PTPRM: variants seen among roughly 807,000 people sequenced by gnomAD.
PTPRM encodes receptor-type tyrosine-protein phosphatase mu.
A neutral mutation model predicts 186.7 loss-of-function variants in PTPRM; 47 were observed. The ratio of observed to expected loss-of-function variants is 0.25; its 90% CI spans 0.20 to 0.32. The LOEUF (loss-of-function observed/expected upper bound fraction) is 0.32. PTPRM is among the 10% of genes least tolerant of loss of function. The probability of loss-of-function intolerance (pLI) is 1.00; values close to 1 mark genes in which losing one functional copy is unlikely to be tolerated. For missense variants in PTPRM, 1,494 were observed against 1,865.0 expected (o/e 0.80, Z 3.66); for synonymous variants, 668 against 674.9 (o/e 0.99, Z 0.16).
At chr18:8,040,617 CAA>C (rs1369841705) in intron 7 of PTPRM, among the ~76,000 whole-genome samples, 5 of 152,112 alleles carry the variant, frequency 3.3e-5, no homozygotes, top group Non-Finnish European at 7.4e-5. Context: ...CTTTTAATCT[CAA>C]GTTTTTAAAT....
At chr18:8,290,346 G>A (rs1057262918) in intron 19 of PTPRM, among the ~76,000 whole-genome samples, 31 of 152,172 alleles carry the variant, frequency 2.0e-4, no homozygotes, top group Admixed American at 5.2e-4. Flanking sequence ...CATTATGTAC[G>A]GCCTTGACCT....
intron 1 of PTPRM, among the ~76,000 whole-genome samples, chr18:7,580,069 G>A (rs1008673089): frequency 1.3e-5 from 2 of 152,166 alleles, no homozygotes; most frequent in African/African-American, 4.8e-5. Flanking sequence ...TCTCTAACTA[G>A]CTGTCACCTC....
At chr18:8,400,042 G>A (rs980791612) in intron 32 of PTPRM, among the ~76,000 whole-genome samples, 9 of 152,146 alleles carry the variant, frequency 5.9e-5, no homozygotes, top group African/African-American at 1.2e-4. Flanking sequence ...CTCTTGCACC[G>A]GGAGAAAAAG....
intron 7 of PTPRM, among the ~76,000 whole-genome samples, chr18:8,011,201 T>A (rs529414352): frequency 9.9e-5 from 15 of 152,262 alleles, no homozygotes; most frequent in Admixed American, 1.3e-4. Flanking sequence ...CAAGGACAGA[T>A]AGAAGAGAGT....
At chr18:8,314,289 G>A (rs1158095827) in intron 20 of PTPRM, among the ~76,000 whole-genome samples, 1 of 152,106 alleles carries the variant, frequency 6.6e-6, no homozygotes, top group Non-Finnish European at 1.5e-5. Flanking sequence ...TGCTCTTGCT[G>A]GCTGATGCCC....
At chr18:8,319,496 G>C (rs7240753) in intron 22 of PTPRM, among the ~76,000 whole-genome samples, 5,007 of 152,280 alleles carry the variant, frequency 0.033, 199 homozygotes, top group African/African-American at 0.097. Flanking sequence ...TAGATGTATA[G>C]ATAGCCATTC....
intron 1 of PTPRM, among the ~76,000 whole-genome samples, chr18:7,584,975 C>T (rs939169038): frequency 2.6e-5 from 4 of 152,312 alleles, no homozygotes; most frequent in African/African-American, 9.6e-5. Flanking sequence ...GCAAGTCGAG[C>T]CCTCTATTTC....
chr18:7,977,562 A>T (rs531768873), intron 7 of PTPRM, among the ~76,000 whole-genome samples: 3 of 152,294 alleles, frequency 2.0e-5, no homozygotes, highest in South Asian at 4.1e-4. Flanking sequence ...GTCCAACATA[A>T]GAAAGATAAT....
intron 23 of PTPRM, among the ~76,000 whole-genome samples, chr18:8,363,410 G>A (rs1310405269): frequency 1.3e-5 from 2 of 152,184 alleles, no homozygotes; most frequent in African/African-American, 4.8e-5. Context: ...CACATGTGAA[G>A]ACTGACAATG....
At chr18:7,986,362 A>G (rs887112232) in intron 7 of PTPRM, among the ~76,000 whole-genome samples, 1 of 152,216 alleles carries the variant, frequency 6.6e-6, no homozygotes, top group Non-Finnish European at 1.5e-5. Context: ...TTTGTACTGT[A>G]TGGTTCTGGT....
intron 19 of PTPRM, among the ~76,000 whole-genome samples, chr18:8,273,544 G>A (rs905378875): frequency 2.6e-5 from 4 of 152,128 alleles, no homozygotes; most frequent in African/African-American, 4.8e-5. Flanking sequence ...CCAGGTCCAT[G>A]CATCTTCCTC....
intron 1 of PTPRM, among the ~76,000 whole-genome samples, chr18:7,710,841 C>T (rs2040196935): frequency 1.3e-5 from 2 of 152,058 alleles, no homozygotes; most frequent in African/African-American, 4.8e-5. Flanking sequence ...TAGGACTAAA[C>T]AAAGGAGATG....
At chr18:7,639,012 C>T (rs1326864196) in intron 1 of PTPRM, among the ~76,000 whole-genome samples, 1 of 152,088 alleles carries the variant, frequency 6.6e-6, no homozygotes, top group Non-Finnish European at 1.5e-5. Flanking sequence ...AGTGTTTTAC[C>T]TTGTAAATTT....
intron 20 of PTPRM, among the ~76,000 whole-genome samples, chr18:8,311,846 G>A (rs2095270954): frequency 6.6e-6 from 1 of 152,078 alleles, no homozygotes; most frequent in African/African-American, 2.4e-5. Context: ...GGTGGAGATT[G>A]ACGTCCCTAA....
chr18:7,667,443 A>C (rs929398825), intron 1 of PTPRM, among the ~76,000 whole-genome samples: 2 of 152,240 alleles, frequency 1.3e-5, no homozygotes, highest in African/African-American at 4.8e-5. Context: ...CTAACACAGA[A>C]TTATTTTATG....
In PTPRM at chr18:8,126,072, G is replaced by A. The variant is rs548349819; in HGVS notation, c.2167+11245G>A. Among the ~76,000 whole-genome samples the A allele has an allele frequency of 2.0e-3, 253 of 127,514 alleles. 2 individuals carry two copies. Among genetic ancestry groups the A allele is most frequent in the African/African-American group, 6.8e-3 (241 of 35,294 alleles). 83.7% of individuals were successfully genotyped at this position (127,514 alleles called of 152,430 possible). A position where few individuals can be genotyped will look rare whatever the true frequency, so the allele number is the denominator to read the frequency against. On this transcript the variant is annotated intron_variant, in intron 13 of 32. Transcript: ENST00000580170. ...TCCATTGCAAATAAAACAAATCCTA[G>A]GTGTTTCAACTCACAAAAGCATGAA...
intron 23 of PTPRM, 51 bp from the exon 24 acceptor site, chr18:8,370,839 C>A: frequency 8.5e-7 from 1 of 1,176,130 alleles, no homozygotes; most frequent in Non-Finnish European, 1.2e-6. Flanking sequence ...ATGGGAGGAA[C>A]TCCAAAAAAA....
At chr18:8,363,298 G>A (rs8094662) in intron 23 of PTPRM, among the ~76,000 whole-genome samples, 1 of 152,090 alleles carries the variant, frequency 6.6e-6, no homozygotes, top group Non-Finnish European at 1.5e-5. Flanking sequence ...AGTTGGAATC[G>A]TTTTCACCAG....
At chr18:8,219,951 C>A (rs1055020212) in intron 14 of PTPRM, among the ~76,000 whole-genome samples, 3 of 152,026 alleles carry the variant, frequency 2.0e-5, no homozygotes, top group African/African-American at 7.2e-5. Context: ...TAATGCTGGT[C>A]AATTATTGTG....
Sources: allele counts gnomAD v4.1 joint callset (sites outside exome capture counted in the v4.1 genomes callset), GRCh38; gene constraint gnomAD v4.1.1; transcripts MANE v1.5; gene names NCBI Gene and HGNC (gene_info 2026-07-23, HGNC 2026-07-21).